AKAP13: variants seen among roughly 807,000 people sequenced by gnomAD.
AKAP13 encodes A-kinase anchoring protein 13.
AKAP13 carries 80 observed loss-of-function variants against 264.5 expected under a neutral mutation model. The observed-to-expected ratio is 0.30, with a 90% confidence interval of 0.25 to 0.36. The LOEUF is 0.36. Among genes scored for constraint, AKAP13 ranks in the 10% least tolerant of loss-of-function variants. The pLI is 1.00. For missense variants in AKAP13, 3,712 were observed against 3,435.2 expected, an observed-to-expected ratio of 1.08 and a Z score of -2.01; for synonymous variants, 1,380 against 1,250.2, an observed-to-expected ratio of 1.10 and a Z score of -2.19.
chr15:85,633,246 G>A (rs945945401), intron 8 of AKAP13, among the ~76,000 whole-genome samples: 13 of 151,896 alleles, frequency 8.6e-5, no homozygotes, highest in African/African-American at 2.7e-4. Flanking sequence ...ATGGTAATTC[G>A]TAGTAGTTCA....
chr15:85,705,004 A>G (rs2086150444), intron 17 of AKAP13, among the ~76,000 whole-genome samples: 1 of 152,236 alleles, frequency 6.6e-6, no homozygotes, highest in African/African-American at 2.4e-5. Context: ...GGAGATGTCC[A>G]TGCAAACTAT....
intron 1 of AKAP13, among the ~76,000 whole-genome samples, chr15:85,400,634 C>G (rs2071376550): frequency 6.6e-6 from 1 of 151,976 alleles, no homozygotes; most frequent in African/African-American, 2.4e-5. Context: ...GATTTTCAAT[C>G]ATAATATTTG....
intron 5 of AKAP13, among the ~76,000 whole-genome samples, chr15:85,563,329 G>GTTTTTTTTTTTTTT (rs1184437606): frequency 3.7e-5 from 2 of 54,196 alleles, no homozygotes; most frequent in Non-Finnish European, 8.2e-5. Context: ...GAATGTGCTT[G>GTTTTTTTTTTTTTT]TTTTTTTTTT....
intron 36 of AKAP13, chr15:85,744,028 A>G (rs114237323): frequency 1.7e-6 from 1 of 598,338 alleles, no homozygotes; most frequent in African/African-American, 1.8e-5. Flanking sequence ...GCACGTGTGC[A>G]GAAGCAGAGA....
At chr15:85,507,805 G>C (rs1048577284) in intron 2 of AKAP13, among the ~76,000 whole-genome samples, 1 of 152,216 alleles carries the variant, frequency 6.6e-6, no homozygotes, top group Non-Finnish European at 1.5e-5. Flanking sequence ...GATGGCAGTA[G>C]CACCTAATCA....
intron 19 of AKAP13, 89 bp downstream of exon 19, chr15:85,710,734 T>C (rs1247549735): frequency 3.5e-6 from 5 of 1,415,974 alleles, no homozygotes; most frequent in East Asian, 4.7e-5. Context: ...TTATTATTCA[T>C]AGTCAAGATA....
chr15:85,419,146 C>G (rs1348488296), intron 1 of AKAP13, among the ~76,000 whole-genome samples: 1 of 152,204 alleles, frequency 6.6e-6, no homozygotes, highest in African/African-American at 2.4e-5. Context: ...ACACTGTTTG[C>G]TTTAAGTATA....
At chr15:85,437,258 A>G (rs1400341120) in intron 1 of AKAP13, among the ~76,000 whole-genome samples, 3 of 150,572 alleles carry the variant, frequency 2.0e-5, no homozygotes, top group Non-Finnish European at 4.5e-5. Context: ...CACTCTCCCA[A>G]GACTAAACCA....
At chr15:85,650,702 G>A (rs1275411567) in intron 10 of AKAP13, among the ~76,000 whole-genome samples, 2 of 129,352 alleles carry the variant, frequency 1.5e-5, no homozygotes, top group Admixed American at 1.8e-4. Flanking sequence ...GTTGCAGTGA[G>A]CTGAGATTGT....
chr15:85,520,541 T>A, intron 2 of AKAP13: 1 of 365,640 alleles, frequency 2.7e-6, no homozygotes. Context: ...AAGACAAAGA[T>A]GTCTTACCTT....
chr15:85,728,811 G>C (rs2087772641), intron 29 of AKAP13, among the ~76,000 whole-genome samples: 2 of 151,728 alleles, frequency 1.3e-5, no homozygotes, highest in South Asian at 4.2e-4. Flanking sequence ...AAATGCACCA[G>C]GTATTAAAAG....
intron 8 of AKAP13, among the ~76,000 whole-genome samples, chr15:85,627,281 C>A (rs1567162834): frequency 6.6e-6 from 1 of 152,126 alleles, no homozygotes; most frequent in Non-Finnish European, 1.5e-5. Flanking sequence ...TGGAGTACAT[C>A]ATCTTCTTCC....
At chr15:85,682,443 T>A (rs2084648824) in intron 15 of AKAP13, among the ~76,000 whole-genome samples, 1 of 152,196 alleles carries the variant, frequency 6.6e-6, no homozygotes, top group South Asian at 2.1e-4. Context: ...TTGGTTGTAT[T>A]TATTGATGTG....
intron 17 of AKAP13, among the ~76,000 whole-genome samples, chr15:85,706,009 G>A (rs769780495): frequency 6.6e-6 from 1 of 152,136 alleles, no homozygotes; most frequent in Non-Finnish European, 1.5e-5. Flanking sequence ...GAAAAACATA[G>A]ATCTACTAAT....
rs1344945803 is a variant in AKAP13 at position 85,581,390 on chromosome 15, A to G, written c.3322A>G (p.Ile1108Val). 3 of 1,614,230 alleles carry G rather than the reference A, an allele frequency of 1.9e-6. No homozygotes were observed. The highest frequency in any genetic ancestry group is 2.5e-6 in the Non-Finnish European group (3 of 1,180,032). The change falls in exon 7 of 37, where the codon ATA becomes GTA. Residue 1108 changes from isoleucine (I) to valine (V), a missense_variant. Coordinates refer to ENST00000394518, the MANE Select transcript of AKAP13 (RefSeq NM_007200.5). ...TATGGCTGAGCCCAGAAGAGAGAAT[A>G]TATCACACAACACCCAAGACATCCT... ...QGMAEPRREN[I>V]SHNTQDILIP...
rs147876029 is a variant in AKAP13 at position 85,569,622 on chromosome 15, T to G, written c.663-5509T>G. On this transcript the variant is annotated intron_variant, in intron 5 of 36. Transcript: ENST00000394518. ...TGCACGCCACTACACCCGGCTAATT[T>G]TTGTATTTTTGGTAGAGAGGGGGTT... 9.9e-3 allele frequency among the ~76,000 whole-genome samples: 1,499 copies of G among 152,072 alleles called. 10 individuals are homozygous for G. Among genetic ancestry groups the G allele is most frequent in the Non-Finnish European group, 0.017 (1,127 of 67,978 alleles).
intron 16 of AKAP13, among the ~76,000 whole-genome samples, chr15:85,692,482 GTGGTGGTGGTGGTGA>G (rs1402533616): frequency 2.7e-5 from 4 of 149,064 alleles, no homozygotes; most frequent in African/African-American, 7.5e-5. Context: ...AGTAGTAGTA[GTGGTGGTGGTGGTGA>G]TGGTGGTGGT....
At chr15:85,734,273 G>A (rs1227185546) in intron 30 of AKAP13, among the ~76,000 whole-genome samples, 1 of 152,128 alleles carries the variant, frequency 6.6e-6, no homozygotes, top group Non-Finnish European at 1.5e-5. Context: ...TATGGGATTT[G>A]ACTTCAATAT....
At chr15:85,688,500 A>G (rs2085074380) in intron 16 of AKAP13, among the ~76,000 whole-genome samples, 6 of 152,216 alleles carry the variant, frequency 3.9e-5, no homozygotes, top group Admixed American at 3.9e-4. Context: ...AGAAGTGTCT[A>G]AGGATTATTT....
Sources: allele counts gnomAD v4.1 joint callset (sites outside exome capture counted in the v4.1 genomes callset), GRCh38; gene constraint gnomAD v4.1.1; transcripts MANE v1.5; gene names NCBI Gene and HGNC (gene_info 2026-07-23, HGNC 2026-07-21).